FAXC: variants seen among roughly 807,000 people sequenced by gnomAD.
FAXC encodes the protein failed axon connections homolog.
A neutral mutation model predicts 41.9 loss-of-function variants in FAXC; 10 were observed. That is an observed-to-expected ratio of 0.24 (90% CI 0.15 to 0.41). The LOEUF (loss-of-function observed/expected upper bound fraction) is 0.41. FAXC is among the 10% of genes least tolerant of loss of function. The pLI is 1.00. For missense variants in FAXC, 399 were observed against 510.9 expected, an observed-to-expected ratio of 0.78 and a Z score of 2.11; for synonymous variants, 183 against 183.8, an observed-to-expected ratio of 1.00 and a Z score of 0.03.
intron 2 of FAXC, among the ~76,000 whole-genome samples, chr6:99,341,197 T>TAG (rs1254926438): frequency 1.8e-5 from 2 of 112,522 alleles, no homozygotes; most frequent in Non-Finnish European, 3.9e-5. Flanking sequence ...TGAGAAAAAA[T>TAG]ATCTATTAGA....
At chr6:99,344,286 A>G (rs1582693242) in intron 1 of FAXC, among the ~76,000 whole-genome samples, 1 of 151,280 alleles carries the variant, frequency 6.6e-6, no homozygotes, top group Admixed American at 6.6e-5. Context: ...CTCATACCCC[A>G]CTCCTCGGGA....
intron 5 of FAXC, among the ~76,000 whole-genome samples, chr6:99,284,598 T>TGTGTGAGTGA (rs34495212): frequency 1.8e-4 from 26 of 142,856 alleles, no homozygotes; most frequent in African/African-American, 6.8e-4. Context: ...TGTGTGTGTG[T>TGTGTGAGTGA]GATAAGCCTG....
In FAXC at chr6:99,323,424, T is replaced by C; in HGVS notation, c.823+20A>G. Reference sequence around the variant, plus strand: ...AAGGAAAGAATAGCAAATATAGAAATAGAAGGTGTGGTACATTACCCAAAA... The same window carrying C: ...AAGGAAAGAATAGCAAATATAGAAACAGAAGGTGTGGTACATTACCCAAAA... On this transcript the variant is annotated intron_variant, in intron 4 of 5. Coordinates refer to ENST00000389677, the MANE Select transcript of FAXC (RefSeq NM_032511.4). 1.3e-6 allele frequency: 2 copies of C among 1,583,178 alleles called. No individual in the cohort carries two copies. The highest frequency in any genetic ancestry group is 1.7e-6 in the Non-Finnish European group (2 of 1,152,862).
chr6:99,316,329 C>G (rs866217439), intron 4 of FAXC, among the ~76,000 whole-genome samples: 1 of 152,122 alleles, frequency 6.6e-6, no homozygotes, highest in Non-Finnish European at 1.5e-5. Flanking sequence ...TGACAACAAC[C>G]CAAGGCACAC....
At chr6:99,323,123 C>G (rs1326850004) in intron 4 of FAXC, among the ~76,000 whole-genome samples, 1 of 152,176 alleles carries the variant, frequency 6.6e-6, no homozygotes, top group Non-Finnish European at 1.5e-5. Context: ...CAAAGTGCTT[C>G]CTTGCTCAAA....
At chr6:99,322,975 T>A (rs774755966) in intron 4 of FAXC, among the ~76,000 whole-genome samples, 1 of 152,188 alleles carries the variant, frequency 6.6e-6, no homozygotes, top group South Asian at 2.1e-4. Context: ...AAATGACAAA[T>A]GTTCCACATA....
intron 5 of FAXC, among the ~76,000 whole-genome samples, chr6:99,284,596 T>A (rs1428907366): frequency 1.5e-5 from 2 of 136,800 alleles, no homozygotes; most frequent in African/African-American, 2.8e-5. Flanking sequence ...TGTGTGTGTG[T>A]GTGATAAGCC....
At chr6:99,282,785 T>C (rs1770887028) in intron 5 of FAXC, among the ~76,000 whole-genome samples, 1 of 152,222 alleles carries the variant, frequency 6.6e-6, no homozygotes, top group Non-Finnish European at 1.5e-5. Context: ...ATCCATGTTT[T>C]AGTGCAGAAA....
At chr6:99,348,317 GC>G (rs1773668926) in intron 1 of FAXC, among the ~76,000 whole-genome samples, 1 of 152,174 alleles carries the variant, frequency 6.6e-6, no homozygotes, top group Admixed American at 6.5e-5. Context: ...CTGTCTCAGT[GC>G]CCTGTGGTAT....
chr6:99,306,638 G>A (rs1228721904), intron 4 of FAXC, among the ~76,000 whole-genome samples: 2 of 152,148 alleles, frequency 1.3e-5, no homozygotes, highest in African/African-American at 4.8e-5. Flanking sequence ...AAAAAGCAGG[G>A]ATGAAGGATC....
At chr6:99,328,561 A>G (rs1003031777) in intron 3 of FAXC, among the ~76,000 whole-genome samples, 9 of 151,878 alleles carry the variant, frequency 5.9e-5, no homozygotes, top group Non-Finnish European at 1.0e-4. Flanking sequence ...GGCCTAATAT[A>G]CTCCCCAAAT....
intron 4 of FAXC, among the ~76,000 whole-genome samples, chr6:99,293,098 C>T (rs562554524): frequency 7.2e-5 from 11 of 152,342 alleles, no homozygotes; most frequent in South Asian, 6.2e-4. Flanking sequence ...TGAGCCACTG[C>T]GCCCGGCCCT....
In FAXC at chr6:99,277,362, A is replaced by G. The variant is rs2128444873; in HGVS notation, c.*3802T>C. ...AAGAGGCTAGAGAAGTCTAGGCAAA[A>G]GAGGATGCCCTGAAATCAGAGTTCT... is the stretch of plus-strand genomic sequence containing the variant. On this transcript the variant is annotated 3_prime_UTR_variant, in exon 6 of 6. Coordinates refer to ENST00000389677, the MANE Select transcript of FAXC (RefSeq NM_032511.4). 6.6e-6 allele frequency: 1 copy of G among 152,438 alleles called. No individual in the cohort carries two copies. The highest frequency in any genetic ancestry group is 1.9e-4 in the East Asian group (1 of 5,188). 9.4% of individuals were successfully genotyped at this position (152,438 alleles called of 1,614,324 possible).
chr6:99,347,356 C>T (rs1028131482), intron 1 of FAXC, among the ~76,000 whole-genome samples: 5 of 149,500 alleles, frequency 3.3e-5, no homozygotes, highest in African/African-American at 4.9e-5. Context: ...GAGCTGAGAT[C>T]GAGCCACTGC....
intron 4 of FAXC, among the ~76,000 whole-genome samples, chr6:99,308,775 AT>A (rs1772036490): frequency 6.6e-6 from 1 of 152,190 alleles, no homozygotes; most frequent in African/African-American, 2.4e-5. Flanking sequence ...ATACAAAGAG[AT>A]GTGTATCCAT....
At chr6:99,314,609 G>A (rs899843409) in intron 4 of FAXC, among the ~76,000 whole-genome samples, 2 of 152,058 alleles carry the variant, frequency 1.3e-5, no homozygotes, top group Non-Finnish European at 1.5e-5. Flanking sequence ...CACATGAAAC[G>A]GATATAGGAT....
chr6:99,337,821 T>A (rs1401816270), intron 2 of FAXC, among the ~76,000 whole-genome samples: 1 of 152,254 alleles, frequency 6.6e-6, no homozygotes, highest in Non-Finnish European at 1.5e-5. Flanking sequence ...TTTGATTTCC[T>A]AACTAATGGT....
intron 2 of FAXC, among the ~76,000 whole-genome samples, chr6:99,334,404 G>A (rs747570086): frequency 2.0e-4 from 31 of 152,118 alleles, no homozygotes; most frequent in Non-Finnish European, 1.3e-4. Flanking sequence ...CAAGGTTTGC[G>A]GCTTGGCAAA....
chr6:99,330,851 C>T (rs774112993), intron 3 of FAXC, among the ~76,000 whole-genome samples: 1 of 152,152 alleles, frequency 6.6e-6, no homozygotes, highest in Non-Finnish European at 1.5e-5. Context: ...CACAGGTAGA[C>T]ATTTTGTGTG....
Sources: allele counts gnomAD v4.1 joint callset (sites outside exome capture counted in the v4.1 genomes callset), GRCh38; gene constraint gnomAD v4.1.1; transcripts MANE v1.5; gene names NCBI Gene and HGNC (gene_info 2026-07-23, HGNC 2026-07-21).